Variants in TFEC observed in about 807,000 individuals in gnomAD.
TFEC encodes transcription factor EC.
In TFEC, 31 loss-of-function variants were observed where a neutral mutation model predicts 41.6. The observed-to-expected ratio is 0.74, with a 90% CI of 0.56 to 1.01. The LOEUF is 1.01. Ranked by LOEUF, TFEC falls within the 50% of genes least tolerant of loss-of-function variation. The pLI is 0.00. For synonymous variants in TFEC, 143 were observed against 140.6 expected (o/e 1.02, Z -0.12); for missense variants, 402 against 404.1 (o/e 0.99, Z 0.04).
At chr7:115,979,578 T>A (rs1416671145) in intron 2 of TFEC, among the ~76,000 whole-genome samples, 2 of 152,200 alleles carry the variant, frequency 1.3e-5, no homozygotes, top group African/African-American at 2.4e-5. Flanking sequence ...TATTGACCGT[T>A]CTAAGTTCTT....
chr7:116,040,566 T>C (rs1212277784), intron 3 of TFEC, among the ~76,000 whole-genome samples: 1 of 152,190 alleles, frequency 6.6e-6, no homozygotes, highest in Non-Finnish European at 1.5e-5. Flanking sequence ...TAGTGCTCCA[T>C]TTTAATTTAT....
At chr7:116,079,761 C>T (rs961334039) in intron 3 of TFEC, among the ~76,000 whole-genome samples, 2 of 151,960 alleles carry the variant, frequency 1.3e-5, no homozygotes, top group Non-Finnish European at 2.9e-5. Flanking sequence ...CTGTCAAAAT[C>T]AATGTACAAA....
chr7:116,015,975 A>C (rs1390069391), intron 1 of TFEC, among the ~76,000 whole-genome samples: 2 of 152,214 alleles, frequency 1.3e-5, no homozygotes, highest in Non-Finnish European at 2.9e-5. Context: ...AAAGTCACTC[A>C]GGATGAAGAA....
At chr7:115,988,298 G>C (rs76209278) in intron 1 of TFEC, among the ~76,000 whole-genome samples, 2,291 of 152,026 alleles carry the variant, frequency 0.015, 55 homozygotes, top group African/African-American at 0.052. Flanking sequence ...TAAAAACTAT[G>C]ATTAATATGC....
intron 1 of TFEC, among the ~76,000 whole-genome samples, chr7:116,019,520 T>TA (rs1194369916): frequency 6.6e-6 from 1 of 152,162 alleles, no homozygotes; most frequent in Non-Finnish European, 1.5e-5. Context: ...TCAGACTAAA[T>TA]AAAAAATCAG....
chr7:116,058,245 C>T (rs1384650181), intron 3 of TFEC, among the ~76,000 whole-genome samples: 1 of 151,454 alleles, frequency 6.6e-6, no homozygotes, highest in Admixed American at 6.6e-5. Flanking sequence ...ATATTCGTAC[C>T]AATTAAAGTA....
intron 3 of TFEC, among the ~76,000 whole-genome samples, chr7:115,958,558 A>G (rs1792358693): frequency 6.6e-6 from 1 of 151,850 alleles, no homozygotes; most frequent in Non-Finnish European, 1.5e-5. Flanking sequence ...AATGTTAAGG[A>G]AGAAAAGGAG....
chr7:116,152,165 T>C (rs528967072), intron 1 of TFEC, among the ~76,000 whole-genome samples: 12 of 152,312 alleles, frequency 7.9e-5, no homozygotes, highest in Admixed American at 2.0e-4. Context: ...CCAGCCAAGA[T>C]AGAAGAACAA....
At chr7:115,964,944 T>C (rs1399014419) in intron 3 of TFEC, among the ~76,000 whole-genome samples, 1 of 151,604 alleles carries the variant, frequency 6.6e-6, no homozygotes, top group Non-Finnish European at 1.5e-5. Flanking sequence ...TGATCATGTT[T>C]TCTTAGCCCA....
At chr7:116,142,201 G>C (rs1016109206) in intron 1 of TFEC, among the ~76,000 whole-genome samples, 2 of 152,152 alleles carry the variant, frequency 1.3e-5, no homozygotes, top group Admixed American at 1.3e-4. Flanking sequence ...AGGCCCAAGG[G>C]GTTCTCCATT....
chr7:115,970,856 C>A (rs1793100993), intron 3 of TFEC, among the ~76,000 whole-genome samples: 1 of 151,872 alleles, frequency 6.6e-6, no homozygotes, highest in South Asian at 2.1e-4. Context: ...AAGCAGATAC[C>A]AGGGTAATGC....
intron 5 of TFEC, among the ~76,000 whole-genome samples, chr7:115,953,214 C>A (rs1452153193): frequency 6.9e-6 from 1 of 145,292 alleles, no homozygotes; most frequent in Non-Finnish European, 1.6e-5. Flanking sequence ...CTGCCCTGCC[C>A]TGACATTTTC....
At chr7:116,064,650 A>G (rs979123670) in intron 3 of TFEC, among the ~76,000 whole-genome samples, 8 of 152,086 alleles carry the variant, frequency 5.3e-5, no homozygotes, top group East Asian at 3.9e-4. Context: ...CCACCGTGGC[A>G]TATGTATGCC....
At position 116,044,244 on chromosome 7, in the gene TFEC, G is replaced by A. The variant is rs140654322; in HGVS notation, c.199-59731C>T. 7.2e-5 allele frequency among the ~76,000 whole-genome samples: 11 copies of A among 152,170 alleles called. No individual in the cohort carries two copies. The East Asian group carries it at 7.7e-4, about 11-fold the overall frequency. On this transcript the variant is annotated intron_variant, in intron 3 of 8. Coordinates refer to the TFEC transcript ENST00000484212. ...TAAAATTCTCCTATGCATATCCTTCGTCATGGCCAGAGCAAGTCTTATAGC... is the reference window on the plus strand; with the variant it reads ...TAAAATTCTCCTATGCATATCCTTCATCATGGCCAGAGCAAGTCTTATAGC...
At chr7:116,046,509 A>G (rs1796168790) in intron 3 of TFEC, among the ~76,000 whole-genome samples, 1 of 152,112 alleles carries the variant, frequency 6.6e-6, no homozygotes, top group Non-Finnish European at 1.5e-5. Context: ...TGGAACCGTA[A>G]GTCCAATTAA....
chr7:116,088,845 C>T (rs1361610154), intron 3 of TFEC, among the ~76,000 whole-genome samples: 1 of 151,834 alleles, frequency 6.6e-6, no homozygotes. Context: ...CACACACACA[C>T]ATATATACAC....
intron 3 of TFEC, among the ~76,000 whole-genome samples, chr7:115,959,589 T>C (rs1349669625): frequency 6.6e-6 from 1 of 151,496 alleles, no homozygotes; most frequent in Non-Finnish European, 1.5e-5. Context: ...CCATTATAAA[T>C]AACATCAAAG....
At chr7:116,066,652 A>G (rs1465827200) in intron 3 of TFEC, among the ~76,000 whole-genome samples, 1 of 152,120 alleles carries the variant, frequency 6.6e-6, no homozygotes, top group African/African-American at 2.4e-5. Context: ...GTTCAGATGA[A>G]GCAATTTAAC....
chr7:116,158,165 A>G (rs1363660222), intron 1 of TFEC, among the ~76,000 whole-genome samples: 1 of 152,122 alleles, frequency 6.6e-6, no homozygotes, highest in Non-Finnish European at 1.5e-5. Context: ...AACTTAACAC[A>G]TTTTTGGAAG....
Sources: allele counts gnomAD v4.1 joint callset (sites outside exome capture counted in the v4.1 genomes callset), GRCh38; gene constraint gnomAD v4.1.1; transcripts MANE v1.5; gene names NCBI Gene and HGNC (gene_info 2026-07-23, HGNC 2026-07-21).